Variants in VPS41 observed in about 807,000 individuals in gnomAD.
VPS41 encodes the protein vacuolar protein sorting-associated protein 41 homolog.
A neutral mutation model predicts 130.9 loss-of-function variants in VPS41; 85 were observed. That is an observed-to-expected ratio of 0.65 (90% CI 0.55 to 0.78). The LOEUF (loss-of-function observed/expected upper bound fraction) is 0.78, where lower values mean the gene tolerates loss of function less well. VPS41 is among the 30% of genes least tolerant of loss of function. The pLI is 0.00. For missense variants in VPS41, 874 were observed against 1,018.7 expected (o/e 0.86, Z 1.93); for synonymous variants, 335 against 332.9 (o/e 1.01, Z -0.07).
intron 1 of VPS41, among the ~76,000 whole-genome samples, chr7:38,901,020 T>C (rs1402776291): frequency 1.3e-5 from 2 of 152,218 alleles, no homozygotes; most frequent in African/African-American, 2.4e-5. Flanking sequence ...AATGAGTCAG[T>C]GGTTTTCAAA....
intron 7 of VPS41, among the ~76,000 whole-genome samples, chr7:38,798,634 A>G (rs1014666819): frequency 1.6e-4 from 25 of 152,144 alleles, no homozygotes; most frequent in Non-Finnish European, 2.8e-4. Context: ...CAAAATGTCT[A>G]TCTTCTATCT....
intron 4 of VPS41, among the ~76,000 whole-genome samples, chr7:38,841,342 C>T (rs180818328): frequency 8.5e-4 from 129 of 152,340 alleles, no homozygotes; most frequent in African/African-American, 2.9e-3. Context: ...AAAGATACTT[C>T]CAAGGAACCA....
intron 1 of VPS41, among the ~76,000 whole-genome samples, chr7:38,899,360 A>G (rs1482336011): frequency 6.6e-6 from 1 of 152,242 alleles, no homozygotes; most frequent in Non-Finnish European, 1.5e-5. Context: ...ACAATAATCC[A>G]CAGTAACATT....
intron 2 of VPS41, among the ~76,000 whole-genome samples, chr7:38,880,483 C>T (rs1786581165): frequency 6.6e-6 from 1 of 152,132 alleles, no homozygotes. Flanking sequence ...CTAAAAGTAG[C>T]CCATGACAGC....
intron 10 of VPS41, among the ~76,000 whole-genome samples, chr7:38,784,650 G>T (rs887950431): frequency 1.5e-5 from 2 of 135,012 alleles, no homozygotes; most frequent in Non-Finnish European, 3.2e-5. Context: ...AGGAGGGGGG[G>T]AGTTAGGGGG....
intron 5 of VPS41, among the ~76,000 whole-genome samples, chr7:38,830,041 A>G (rs1023800868): frequency 1.3e-5 from 2 of 152,258 alleles, no homozygotes; most frequent in East Asian, 1.9e-4. Flanking sequence ...GCTTAATACT[A>G]GTTACATTAT....
chr7:38,815,368 G>A (rs1419432547), intron 7 of VPS41, among the ~76,000 whole-genome samples: 1 of 152,072 alleles, frequency 6.6e-6, no homozygotes, highest in East Asian at 1.9e-4. Flanking sequence ...AGGTTGCAGT[G>A]AGCCGAGATC....
At chr7:38,824,268 T>C (rs2116137895) in intron 5 of VPS41, among the ~76,000 whole-genome samples, 1 of 152,344 alleles carries the variant, frequency 6.6e-6, no homozygotes, top group Middle Eastern at 3.4e-3. Context: ...ACCTTAGTGG[T>C]TCTCAAACAC....
intron 25 of VPS41, among the ~76,000 whole-genome samples, chr7:38,736,319 C>G (rs555021272): frequency 1.3e-5 from 2 of 152,312 alleles, no homozygotes; most frequent in East Asian, 3.9e-4. Flanking sequence ...CAGATCTGGG[C>G]TGGGTGCCTG....
intron 4 of VPS41, among the ~76,000 whole-genome samples, chr7:38,841,854 T>C (rs963594513): frequency 4.6e-5 from 7 of 152,218 alleles, no homozygotes; most frequent in African/African-American, 1.7e-4. Context: ...TCCACCCACC[T>C]TGGCCTCCCA....
At chr7:38,888,789 C>G (rs903781581) in intron 2 of VPS41, among the ~76,000 whole-genome samples, 1 of 152,200 alleles carries the variant, frequency 6.6e-6, no homozygotes, top group Non-Finnish European at 1.5e-5. Flanking sequence ...AAACACTCCT[C>G]AGCAAATGTA....
chr7:38,849,634 G>A (rs1414921428), intron 4 of VPS41, among the ~76,000 whole-genome samples: 4 of 152,154 alleles, frequency 2.6e-5, no homozygotes, highest in Non-Finnish European at 5.9e-5. Flanking sequence ...GCCGGTGCCT[G>A]CTGGCATGCT....
intron 9 of VPS41, among the ~76,000 whole-genome samples, chr7:38,790,676 C>T (rs1252499779): frequency 6.6e-6 from 1 of 152,122 alleles, no homozygotes. Flanking sequence ...GCAAATACCG[C>T]ATCATTTTAT....
intron 4 of VPS41, among the ~76,000 whole-genome samples, chr7:38,841,715 T>C (rs746187010): frequency 5.9e-5 from 9 of 152,246 alleles, no homozygotes; most frequent in African/African-American, 1.4e-4. Flanking sequence ...GCAATTCTCC[T>C]GCCTCAGCCT....
chr7:38,776,513 G>C (rs1784261252), intron 11 of VPS41, among the ~76,000 whole-genome samples, 166 bp downstream of exon 11: 1 of 152,158 alleles, frequency 6.6e-6, no homozygotes, highest in Non-Finnish European at 1.5e-5. Flanking sequence ...AGAGTTTCCG[G>C]AAAGTAAATA....
At chr7:38,744,673 G>A (rs561588455) in intron 23 of VPS41, among the ~76,000 whole-genome samples, 1 of 152,180 alleles carries the variant, frequency 6.6e-6, no homozygotes, top group African/African-American at 2.4e-5. Context: ...CTAAAATTGT[G>A]ATTAGAACCC....
intron 4 of VPS41, among the ~76,000 whole-genome samples, chr7:38,861,548 T>C (rs918253656): frequency 6.6e-6 from 1 of 152,196 alleles, no homozygotes; most frequent in Admixed American, 6.5e-5. Flanking sequence ...GCTCCAAAGA[T>C]TGTCCTCGTT....
intron 2 of VPS41, among the ~76,000 whole-genome samples, chr7:38,888,705 C>T (rs940381082): frequency 1.3e-5 from 2 of 152,120 alleles, no homozygotes; most frequent in Non-Finnish European, 2.9e-5. Context: ...CTCCCCACCC[C>T]AAATCAACAG....
chr7:38,838,569 A>T (rs925996572), intron 4 of VPS41, among the ~76,000 whole-genome samples: 4 of 152,214 alleles, frequency 2.6e-5, no homozygotes, highest in Admixed American at 6.5e-5. Flanking sequence ...TTTGTTCAAA[A>T]ATCAATAATG....
Sources: gnomAD v4.1 joint callset for allele counts (sites outside exome capture counted in the v4.1 genomes callset) on GRCh38, gnomAD v4.1.1 for gene constraint, MANE v1.5 for transcripts, NCBI Gene and HGNC (gene_info 2026-07-23, HGNC 2026-07-21) for gene names.